The following RASSF8 variants were observed in gnomAD, a reference collection of about 807,000 sequenced individuals.
RASSF8 encodes ras association domain-containing protein 8.
RASSF8 carries 22 observed loss-of-function variants against 48.5 expected under a neutral mutation model. That is an observed-to-expected ratio of 0.45 (90% CI 0.32 to 0.65). The LOEUF is 0.65. Among genes scored for constraint, RASSF8 ranks in the 30% least tolerant of loss-of-function variants. The probability of loss-of-function intolerance (pLI) is 0.03; values close to 1 mark genes in which losing one functional copy is unlikely to be tolerated. For synonymous variants in RASSF8, 127 were observed against 171.5 expected, an observed-to-expected ratio of 0.74 and a Z score of 2.03; for missense variants, 418 against 489.2, an observed-to-expected ratio of 0.85 and a Z score of 1.37.
chr12:26,025,436 AT>A (rs1428250603), intron 2 of RASSF8, among the ~76,000 whole-genome samples: 6 of 151,994 alleles, frequency 3.9e-5, no homozygotes, highest in African/African-American at 1.2e-4. Context: ...GGGCGCCTGT[AT>A]TCCCAGGTAC....
chr12:26,007,738 G>C (rs1942426260), intron 2 of RASSF8, among the ~76,000 whole-genome samples: 1 of 152,158 alleles, frequency 6.6e-6, no homozygotes, highest in African/African-American at 2.4e-5. Context: ...TCTTACTCTA[G>C]TTTAACAGAA....
chr12:26,035,497 TTA>T (rs1943123908), intron 2 of RASSF8, among the ~76,000 whole-genome samples: 1 of 123,848 alleles, frequency 8.1e-6, no homozygotes. Context: ...TTATATGAAA[TTA>T]TATAATTATA....
At chr12:26,060,961 A>G (rs1034526131) in intron 3 of RASSF8, among the ~76,000 whole-genome samples, 3 of 152,132 alleles carry the variant, frequency 2.0e-5, no homozygotes, top group Non-Finnish European at 4.4e-5. Flanking sequence ...GGTGTGGAGG[A>G]TTTGGTACTG....
At chr12:26,017,501 T>C (rs1942678829) in intron 2 of RASSF8, among the ~76,000 whole-genome samples, 1 of 152,186 alleles carries the variant, frequency 6.6e-6, no homozygotes, top group Admixed American at 6.5e-5. Flanking sequence ...GTGATCCATA[T>C]CATGTTGGAG....
chr12:26,038,275 A>G (rs1943193328), intron 2 of RASSF8, among the ~76,000 whole-genome samples: 1 of 152,218 alleles, frequency 6.6e-6, no homozygotes, highest in African/African-American at 2.4e-5. Flanking sequence ...TAGATGAAAT[A>G]CAATGAAGAC....
At position 26,064,974 on chromosome 12, in the gene RASSF8, T is replaced by C; in HGVS notation, c.580T>C (p.Trp194Arg). The C allele has an allele frequency of 6.2e-7, 1 of 1,613,614 alleles. No individual in the cohort carries two copies. Among genetic ancestry groups the C allele is most frequent in the Non-Finnish European group, 8.5e-7 (1 of 1,179,844 alleles). Residue 194 changes from tryptophan (W) to arginine (R), a missense_variant, in exon 4 of 6, where the codon TGG becomes CGG. By Grantham distance (101) the Trp-to-Arg change is moderately radical (BLOSUM62 -3). Coordinates refer to ENST00000689635, the MANE Select transcript of RASSF8 (RefSeq NM_001394098.1). ...LESNEIEIRF[W>R]EQKYNSNLEE... is the part of the protein sequence containing the mutation. ...ATCTAATGAAATAGAAATAAGATTT[T>C]GGGAGCAAAAGTATAATTCCAACCT...
At chr12:26,011,036 G>T (rs1209143968) in intron 2 of RASSF8, among the ~76,000 whole-genome samples, 1 of 152,136 alleles carries the variant, frequency 6.6e-6, no homozygotes, top group Non-Finnish European at 1.5e-5. Flanking sequence ...TAATCCCAGG[G>T]TTCTGCCCAG....
Position 26,070,053 on chromosome 12 carries a change from A to G in RASSF8, c.*1235A>G. 2 of 983,584 alleles carry G rather than the reference A, an allele frequency of 2.0e-6. No individual in the cohort carries two copies. Among genetic ancestry groups the G allele is most frequent in the Non-Finnish European group, 2.4e-6 (2 of 828,224 alleles). 60.9% of individuals were successfully genotyped at this position (983,584 alleles called of 1,614,324 possible). ...GTGACTTAACTAAGATTTACAAGTA[A>G]TATTTAGACAGATTCAGTCAGACAC... On this transcript the variant is annotated 3_prime_UTR_variant, in exon 6 of 6. Transcript: ENST00000689635.
At chr12:26,064,476 T>C in intron 3 of RASSF8, 22 bp from the exon 4 acceptor site, 1 of 1,502,972 alleles carries the variant, frequency 6.7e-7, no homozygotes, top group Admixed American at 2.3e-5. Context: ...TTTGACAAGT[T>C]ATTCTTACCT....
chr12:26,074,358 T>C (rs984343269), downstream of RASSF8, among the ~76,000 whole-genome samples: 3 of 151,890 alleles, frequency 2.0e-5, no homozygotes, highest in South Asian at 6.2e-4. Flanking sequence ...GGAGGTTTTT[T>C]TTGAGGTGGA....
chr12:26,004,440 C>T (rs552090628), intron 2 of RASSF8, among the ~76,000 whole-genome samples: 3 of 152,092 alleles, frequency 2.0e-5, no homozygotes, highest in East Asian at 1.9e-4. Flanking sequence ...TTAGGGAGTG[C>T]CAGCCTCTTG....
chr12:26,015,206 CAA>C (rs11369240), intron 2 of RASSF8, among the ~76,000 whole-genome samples: 3 of 133,170 alleles, frequency 2.3e-5, no homozygotes, highest in Admixed American at 7.6e-5. Flanking sequence ...GATCCCGTCT[CAA>C]AAAAAAAAAA....
intron 3 of RASSF8, among the ~76,000 whole-genome samples, chr12:26,060,540 CAG>C (rs1312406941): frequency 5.3e-5 from 8 of 152,210 alleles, no homozygotes; most frequent in African/African-American, 1.9e-4. Context: ...GCTTAACTCA[CAG>C]AACTAACTAA....
intron 1 of RASSF8, among the ~76,000 whole-genome samples, chr12:25,969,394 G>A (rs1053221486): frequency 6.6e-6 from 1 of 152,158 alleles, no homozygotes; most frequent in Admixed American, 6.5e-5. Context: ...GATTAGAAGA[G>A]TTAATATTTG....
intron 2 of RASSF8, among the ~76,000 whole-genome samples, chr12:26,017,790 G>A (rs1942687226): frequency 6.6e-6 from 1 of 152,240 alleles, no homozygotes. Flanking sequence ...GCCCTTTCCT[G>A]TGTCTCACTA....
At chr12:26,068,074 T>C (rs1057216190) in intron 5 of RASSF8, among the ~76,000 whole-genome samples, 2 of 152,186 alleles carry the variant, frequency 1.3e-5, no homozygotes, top group Non-Finnish European at 2.9e-5. Context: ...CCCGACCATC[T>C]GCTTAACTTT....
At chr12:26,054,312 A>G (rs916094649) in intron 2 of RASSF8, among the ~76,000 whole-genome samples, 4 of 152,206 alleles carry the variant, frequency 2.6e-5, no homozygotes, top group Non-Finnish European at 1.5e-5. Flanking sequence ...GGAAATAAAG[A>G]ATATTTGGTT....
intron 2 of RASSF8, among the ~76,000 whole-genome samples, chr12:26,044,657 A>C (rs1305076449): frequency 2.0e-5 from 3 of 152,182 alleles, no homozygotes. Context: ...AATACTGTAA[A>C]ATAGAGTACC....
chr12:26,007,300 T>C (rs962193468), intron 2 of RASSF8, among the ~76,000 whole-genome samples: 1 of 152,204 alleles, frequency 6.6e-6, no homozygotes, highest in Non-Finnish European at 1.5e-5. Context: ...GAGGAAGTTA[T>C]AGGTGTCAAA....
Sources: allele counts gnomAD v4.1 joint callset (sites outside exome capture counted in the v4.1 genomes callset), GRCh38; gene constraint gnomAD v4.1.1; transcripts MANE v1.5; gene names NCBI Gene and HGNC (gene_info 2026-07-23, HGNC 2026-07-21).